The following COMMD1 variants were observed in gnomAD, a reference collection of about 807,000 sequenced individuals.
COMMD1 encodes the protein COMM domain-containing protein 1.
A neutral mutation model predicts 17.2 loss-of-function variants in COMMD1; 10 were observed. The ratio of observed to expected loss-of-function variants is 0.58; its 90% CI spans 0.36 to 0.99. The LOEUF (loss-of-function observed/expected upper bound fraction) is 0.99, where lower values mean the gene tolerates loss of function less well. Ranked by LOEUF, COMMD1 falls within the 50% of genes least tolerant of loss-of-function variation. The pLI, the probability that COMMD1 is intolerant of heterozygous loss-of-function variation, is 0.01. For missense variants in COMMD1, 270 were observed against 231.8 expected (o/e 1.17, Z -1.07); for synonymous variants, 97 against 91.6 (o/e 1.06, Z -0.34).
intron 2 of COMMD1, among the ~76,000 whole-genome samples, chr2:62,003,710 A>T (rs1198948837): frequency 6.6e-6 from 1 of 152,062 alleles, no homozygotes; most frequent in Non-Finnish European, 1.5e-5. Context: ...TATATCGGCT[A>T]TTTAGTTTTC....
intron 1 of COMMD1, among the ~76,000 whole-genome samples, chr2:61,973,713 C>T (rs1671712418): frequency 6.6e-6 from 1 of 151,992 alleles, no homozygotes; most frequent in Non-Finnish European, 1.5e-5. Flanking sequence ...TTTTCAAAAT[C>T]TCAGTCTTTG....
At chr2:62,118,483 G>T (rs1344182691) in intron 2 of COMMD1, among the ~76,000 whole-genome samples, 1 of 152,178 alleles carries the variant, frequency 6.6e-6, no homozygotes, top group Admixed American at 6.5e-5. Context: ...AGAGAGATTT[G>T]GTGACTAACT....
At chr2:62,034,062 C>T (rs1445879573) in intron 2 of COMMD1, among the ~76,000 whole-genome samples, 1 of 137,868 alleles carries the variant, frequency 7.3e-6, no homozygotes, top group Non-Finnish European at 1.5e-5. Flanking sequence ...GTGAGCCAGC[C>T]TCAGCAACAG....
Position 62,117,815 on chromosome 2 carries a change from T to C in COMMD1, c.463-18016T>C, listed in dbSNP as rs145383914. On this transcript the variant is annotated intron_variant, in intron 2 of 2. Transcript: ENST00000311832. ...CTCCTACTTCTGTCTTCCATGCTGA[T>C]TTTTCTTTAGTGGCTTTTCATTTTT... Among the ~76,000 whole-genome samples, 5 of 152,320 alleles carry C rather than the reference T, an allele frequency of 3.3e-5. No individual in the cohort carries two copies. The East Asian group carries it at 9.6e-4, about 29-fold the overall frequency.
At chr2:62,102,451 T>C (rs946799397) in intron 2 of COMMD1, among the ~76,000 whole-genome samples, 1 of 152,208 alleles carries the variant, frequency 6.6e-6, no homozygotes, top group East Asian at 1.9e-4. Context: ...CTGTGTCACT[T>C]GGACTGTCTG....
intron 2 of COMMD1, among the ~76,000 whole-genome samples, chr2:62,018,913 GC>G: frequency 6.6e-6 from 1 of 152,182 alleles, no homozygotes; most frequent in Non-Finnish European, 1.5e-5. Context: ...GGTCTCTGCT[GC>G]CAAGAGGGTG....
At position 62,000,755 on chromosome 2, in the gene COMMD1, C is replaced by G. The variant is rs1471050059; in HGVS notation, c.235C>G (p.Gln79Glu). ...CCAGCTGGAGGCATTCTTGACTGCT[C>G]AAACCAAAAAGCAAGGTGGGATCAC... ...FNQLEAFLTA[Q>E]TKKQGGITSD... The change falls in exon 2 of 3, where the codon CAA becomes GAA. Residue 79 changes from glutamine to glutamate, a missense_variant. Physicochemically the swap from Gln to Glu is conservative, Grantham distance 29. Coordinates refer to ENST00000311832, the MANE Select transcript of COMMD1 (RefSeq NM_152516.4). 6.2e-7 allele frequency: 1 copy of G among 1,614,034 alleles called. No individual in the cohort carries two copies. Among genetic ancestry groups the G allele is most frequent in the East Asian group, 2.2e-5 (1 of 44,884 alleles).
chr2:61,989,954 G>A (rs1315640919), intron 1 of COMMD1, among the ~76,000 whole-genome samples: 3 of 152,188 alleles, frequency 2.0e-5, no homozygotes, highest in African/African-American at 4.8e-5. Flanking sequence ...TTACTAGGCA[G>A]TCTAGAAAGA....
intron 2 of COMMD1, among the ~76,000 whole-genome samples, chr2:62,034,796 T>A (rs57681009): frequency 0.1 from 14,937 of 149,410 alleles, 1,215 homozygotes; most frequent in African/African-American, 0.23. Context: ...GAAACAGTTT[T>A]AAAAAAAAAA....
rs560295854 is a variant in COMMD1 at position 61,956,827 on chromosome 2, T to C, written c.181-43874T>C. On this transcript the variant is annotated intron_variant, in intron 1 of 2. Coordinates refer to ENST00000311832, the MANE Select transcript of COMMD1 (RefSeq NM_152516.4). ...ATGCAGTGGTGCGATATCAGCTCAC[T>C]GCAACCTTTGCCTCCCGAGTTCAAG... Among the ~76,000 whole-genome samples, 4 of 152,170 alleles carry C rather than the reference T, an allele frequency of 2.6e-5. No homozygotes were observed. The South Asian group carries it at 8.3e-4, about 31-fold the overall frequency.
intron 2 of COMMD1, among the ~76,000 whole-genome samples, chr2:62,075,077 C>T (rs1671305051): frequency 6.6e-6 from 1 of 151,824 alleles, no homozygotes; most frequent in East Asian, 1.9e-4. Flanking sequence ...TTAGTAGAGA[C>T]AGGGTTTCGC....
intron 2 of COMMD1, among the ~76,000 whole-genome samples, chr2:62,014,139 C>G (rs956716945): frequency 6.6e-5 from 10 of 152,170 alleles, no homozygotes; most frequent in African/African-American, 2.4e-4. Flanking sequence ...AGGGCTTTGG[C>G]ACTGCTGAAG....
chr2:61,952,004 G>A (rs1157901592), intron 1 of COMMD1, among the ~76,000 whole-genome samples: 1 of 152,128 alleles, frequency 6.6e-6, no homozygotes, highest in Admixed American at 6.5e-5. Context: ...TCCATTGTAT[G>A]ATATAATAAG....
intron 2 of COMMD1, among the ~76,000 whole-genome samples, chr2:62,120,240 A>G (rs546402111): frequency 6.6e-6 from 1 of 150,974 alleles, no homozygotes; most frequent in South Asian, 2.1e-4. Context: ...GACTGAAGTG[A>G]TACACCTACC....
chr2:61,949,160 A>G lies in COMMD1; in HGVS notation c.180+43302A>G, dbSNP rs79419964. Among the ~76,000 whole-genome samples, 1,176 of 152,348 alleles carry G rather than the reference A, an allele frequency of 7.7e-3. 16 individuals are homozygous for G. The highest frequency in any genetic ancestry group is 0.027 in the African/African-American group (1,119 of 41,582). Reference sequence around the variant, plus strand: ...ATTGAAGTTCTAAATTATGCTTAGTAAAGTTATGCCAATAAGAAAGGAAGG... The same window carrying G: ...ATTGAAGTTCTAAATTATGCTTAGTGAAGTTATGCCAATAAGAAAGGAAGG... On this transcript the variant is annotated intron_variant, in intron 1 of 2. Coordinates refer to ENST00000311832, the MANE Select transcript of COMMD1 (RefSeq NM_152516.4).
At chr2:61,961,324 G>A (rs1393250702) in intron 1 of COMMD1, among the ~76,000 whole-genome samples, 1 of 152,130 alleles carries the variant, frequency 6.6e-6, no homozygotes, top group Non-Finnish European at 1.5e-5. Flanking sequence ...TTACCTGATT[G>A]GCTGTTAGTT....
chr2:61,970,190 G>A (rs1202858899), intron 1 of COMMD1, among the ~76,000 whole-genome samples: 1 of 151,616 alleles, frequency 6.6e-6, no homozygotes, highest in African/African-American at 2.4e-5. Context: ...CCTGGGAGGT[G>A]GAGGTCTCAG....
intron 1 of COMMD1, among the ~76,000 whole-genome samples, chr2:61,894,762 C>T (rs1669518252): frequency 1.3e-5 from 2 of 150,996 alleles, no homozygotes; most frequent in African/African-American, 2.4e-5. Context: ...TGCAATGGTG[C>T]GATCTTGACT....
At chr2:62,122,444 C>CTT (rs372131423) in intron 2 of COMMD1, among the ~76,000 whole-genome samples, 5 of 126,900 alleles carry the variant, frequency 3.9e-5, no homozygotes, top group Non-Finnish European at 3.5e-5. Flanking sequence ...TCTTTCTTTT[C>CTT]TTTTTTTTTT....
Sources: allele counts gnomAD v4.1 joint callset (sites outside exome capture counted in the v4.1 genomes callset), GRCh38; gene constraint gnomAD v4.1.1; transcripts MANE v1.5; gene names NCBI Gene and HGNC (gene_info 2026-07-23, HGNC 2026-07-21).